Variants in PIK3CD observed in about 807,000 individuals in gnomAD.
PIK3CD encodes phosphatidylinositol-4,5-bisphosphate 3-kinase catalytic subunit delta, also known as phosphatidylinositol 4,5-bisphosphate 3-kinase catalytic subunit delta isoform.
A neutral mutation model predicts 122.9 loss-of-function variants in PIK3CD; 20 were observed. The ratio of observed to expected loss-of-function variants is 0.16; its 90% CI spans 0.11 to 0.24. The LOEUF is 0.24. PIK3CD is among the 10% of genes least tolerant of loss of function. PIK3CD has a pLI of 1.00. For missense variants in PIK3CD, 787 were observed against 1,406.3 expected (o/e 0.56, Z 7.04); for synonymous variants, 596 against 593.4 (o/e 1.00, Z -0.06).
chr1:9,671,213 C>T (rs139096387), intron 1 of PIK3CD, among the ~76,000 whole-genome samples: 33 of 152,272 alleles, frequency 2.2e-4, no homozygotes, highest in African/African-American at 7.7e-4. Context: ...GATCTTCCCA[C>T]CGCAGCCTCC....
intron 2 of PIK3CD, among the ~76,000 whole-genome samples, chr1:9,709,852 A>G (rs1336725758): frequency 6.6e-6 from 1 of 152,168 alleles, no homozygotes; most frequent in Non-Finnish European, 1.5e-5. Flanking sequence ...ACAAAAGTAC[A>G]AAAATTAGCC....
chr1:9,675,242 C>T (rs1205758302), intron 1 of PIK3CD, among the ~76,000 whole-genome samples: 16 of 150,364 alleles, frequency 1.1e-4, no homozygotes, highest in Non-Finnish European at 2.1e-4. Flanking sequence ...AAAAATTAGC[C>T]GGGCGTGGTA....
chr1:9,691,888 A>C (rs1646208440), intron 2 of PIK3CD: 1 of 237,576 alleles, frequency 4.2e-6, no homozygotes, highest in Non-Finnish European at 8.0e-6. Context: ...CACACTGGCC[A>C]CGGTAGCGTT....
chr1:9,663,297 C>T (rs952414014), intron 1 of PIK3CD, among the ~76,000 whole-genome samples: 2 of 152,202 alleles, frequency 1.3e-5, no homozygotes, highest in Non-Finnish European at 2.9e-5. Context: ...ACCCCACAGC[C>T]CTGTGCAGTG....
chr1:9,646,598 C>T, the PIK3CD span, among the ~76,000 whole-genome samples: 2 of 152,150 alleles, frequency 1.3e-5, no homozygotes, highest in South Asian at 2.1e-4. Context: ...CTGGTGTCTC[C>T]GAGCTGATAA....
At chr1:9,639,461 G>A in the PIK3CD span, among the ~76,000 whole-genome samples, 2 of 152,104 alleles carry the variant, frequency 1.3e-5, no homozygotes, top group East Asian at 1.9e-4. Flanking sequence ...TTGCTAAAAC[G>A]TCTATTTTTA....
chr1:9,710,265 C>A lies in PIK3CD; in HGVS notation c.-32-159C>A, dbSNP rs1020416082. 3 of 657,582 alleles carry A rather than the reference C, an allele frequency of 4.6e-6. No homozygotes were observed. In the African/African-American group the frequency reaches 5.3e-5, roughly 12 times the overall value. The allele number at this position is 657,582 out of a possible 1,614,324, so 40.7% of individuals were successfully genotyped here. ...GAGCCACAAGCCACCCTGGGCAGGA[C>A]GAGGCCCTGAGGGAGGTGAGCTTTT... On this transcript the variant is annotated intron_variant, in intron 2 of 23. Coordinates refer to ENST00000377346, the MANE Select transcript of PIK3CD (RefSeq NM_005026.5). The surrounding 1 kb of genome is among the most constrained non-coding windows in gnomAD (Gnocchi z 4.7).
chr1:9,630,609 GC>G, the PIK3CD span, among the ~76,000 whole-genome samples: 1 of 152,352 alleles, frequency 6.6e-6, no homozygotes, highest in East Asian at 1.9e-4. Flanking sequence ...GGATGATATA[GC>G]CAGGAGTATG....
chr1:9,648,546 G>A (rs1386515935), upstream of PIK3CD, among the ~76,000 whole-genome samples: 1 of 152,220 alleles, frequency 6.6e-6, no homozygotes, highest in African/African-American at 2.4e-5. Context: ...TCACTCGGCC[G>A]TCAGAGTTCC....
chr1:9,640,614 A>ATGCTGGTG, the PIK3CD span, among the ~76,000 whole-genome samples: 14 of 151,842 alleles, frequency 9.2e-5, no homozygotes, highest in African/African-American at 2.9e-4. Flanking sequence ...GAAAATCAAG[A>ATGCTGGTG]TGCTGGTGTG....
At chr1:9,702,504 T>C (rs1307295841) in intron 2 of PIK3CD, among the ~76,000 whole-genome samples, 1 of 60,500 alleles carries the variant, frequency 1.7e-5, no homozygotes, top group South Asian at 6.0e-4. Context: ...ACTTTCCTTT[T>C]TTTTTTTTTT....
At position 9,713,402 on chromosome 1, in the gene PIK3CD, G is replaced by C. The variant is rs900229980; in HGVS notation, c.142-2139G>C. ...ACAAAAAATAAATGTAGGAAAAGTA[G>C]AAAAAGGAAAAAAATTACCTCTGAT... On this transcript the variant is annotated intron_variant, in intron 3 of 23. Coordinates refer to ENST00000377346, the MANE Select transcript of PIK3CD (RefSeq NM_005026.5). Among the ~76,000 whole-genome samples, 4 of 152,074 alleles carry C rather than the reference G, an allele frequency of 2.6e-5. No individual in the cohort carries two copies. The Middle Eastern group carries it at 0.01, about 391-fold the overall frequency.
At chr1:9,677,365 A>T (rs1428001888) in intron 1 of PIK3CD, among the ~76,000 whole-genome samples, 1 of 152,030 alleles carries the variant, frequency 6.6e-6, no homozygotes, top group Non-Finnish European at 1.5e-5. Context: ...GCAGCAGCAG[A>T]CCAGGTGCGG....
intron 1 of PIK3CD, among the ~76,000 whole-genome samples, chr1:9,666,829 G>A (rs1645174635): frequency 6.7e-6 from 1 of 149,378 alleles, no homozygotes; most frequent in East Asian, 2.0e-4. Flanking sequence ...AGCCTCCCCA[G>A]TAGCTGGGAT....
intron 1 of PIK3CD, among the ~76,000 whole-genome samples, chr1:9,679,029 T>C (rs1645645498): frequency 6.6e-6 from 1 of 151,092 alleles, no homozygotes; most frequent in African/African-American, 2.4e-5. Context: ...GAGAGCTGGG[T>C]GTGTGAACCT....
chr1:9,705,675 C>T (rs1646804620), intron 2 of PIK3CD, among the ~76,000 whole-genome samples: 1 of 152,080 alleles, frequency 6.6e-6, no homozygotes, highest in African/African-American at 2.4e-5. Context: ...TTAAGTAACC[C>T]CACAGGAAAA....
At chr1:9,670,719 G>A (rs946283046) in intron 1 of PIK3CD, among the ~76,000 whole-genome samples, 1 of 152,114 alleles carries the variant, frequency 6.6e-6, no homozygotes, top group African/African-American at 2.4e-5. Context: ...AATCTTTGAG[G>A]CCCACACTGT....
At position 9,723,902 on chromosome 1, in the gene PIK3CD, T is replaced by C. The variant is rs1431990135; in HGVS notation, c.2595-67T>C. 15 of 1,463,474 alleles carry C rather than the reference T, an allele frequency of 1.0e-5. No homozygotes were observed. Among genetic ancestry groups the C allele is most frequent in the Non-Finnish European group, 1.4e-5 (15 of 1,047,318 alleles). The allele number at this position is 1,463,474 out of a possible 1,614,324, so 90.7% of individuals were successfully genotyped here. On this transcript the variant is annotated intron_variant, in intron 20 of 23. Coordinates refer to ENST00000377346, the MANE Select transcript of PIK3CD (RefSeq NM_005026.5). The surrounding 1 kb of genome is among the most constrained non-coding windows in gnomAD (Gnocchi z 4.9). ...CCAGATTCAAGGGGAGAGGGAGTAA[T>C]AACCCACCTCTTGATAGGCGGAGCT...
At chr1:9,694,397 G>C (rs1320706032) in intron 2 of PIK3CD, among the ~76,000 whole-genome samples, 1 of 152,212 alleles carries the variant, frequency 6.6e-6, no homozygotes, top group Non-Finnish European at 1.5e-5. Context: ...ATCTGGGTGT[G>C]GTGGCGCGTG....
Sources: gnomAD v4.1 joint callset for allele counts (sites outside exome capture counted in the v4.1 genomes callset) on GRCh38, gnomAD v4.1.1 for gene constraint, Gnocchi (gnomAD v3.1) non-coding constraint, MANE v1.5 for transcripts, NCBI Gene and HGNC (gene_info 2026-07-23, HGNC 2026-07-21) for gene names.